Variants in NME7 observed in about 807,000 individuals in gnomAD.
The protein encoded by NME7 is nucleoside diphosphate kinase 7.
In NME7, 41 loss-of-function variants were observed where a neutral mutation model predicts 49.1. That is an observed-to-expected ratio of 0.83 (90% CI 0.65 to 1.08). NME7 has a LOEUF of 1.08. Among genes scored for constraint, NME7 ranks in the 50% least tolerant of loss-of-function variants. NME7 has a pLI of 0.00. For synonymous variants in NME7, 139 were observed against 150.6 expected, an observed-to-expected ratio of 0.92 and a Z score of 0.56; for missense variants, 423 against 463.4, an observed-to-expected ratio of 0.91 and a Z score of 0.80.
chr1:169,351,557 G>A (rs1386054955), intron 1 of NME7, among the ~76,000 whole-genome samples: 1 of 150,694 alleles, frequency 6.6e-6, no homozygotes, highest in Non-Finnish European at 1.5e-5. Flanking sequence ...ACCAAAATTA[G>A]AGGAAAAGAA....
Position 169,154,562 on chromosome 1 carries a change from C to A in NME7, c.1098+14885G>T, listed in dbSNP as rs563117208. 1.4e-3 allele frequency among the ~76,000 whole-genome samples: 220 copies of A among 152,234 alleles called. 2 individuals are homozygous for A. The highest frequency in any genetic ancestry group is 5.0e-3 in the African/African-American group (207 of 41,546). The stretch of plus-strand genomic sequence containing the variant: ...GTGGCTCACACCTGTAATCCCAGCA[C>A]TTTGGGAGGCCAAGGTGAGCAGATC... On this transcript the variant is annotated intron_variant, in intron 11 of 11. Coordinates refer to ENST00000367811, the MANE Select transcript of NME7 (RefSeq NM_013330.5).
intron 10 of NME7, among the ~76,000 whole-genome samples, chr1:169,212,136 C>G (rs528663509): frequency 6.6e-6 from 1 of 151,948 alleles, no homozygotes; most frequent in East Asian, 1.9e-4. Flanking sequence ...TTGTATTAAA[C>G]CCCTTTCAGC....
intron 1 of NME7, among the ~76,000 whole-genome samples, chr1:169,359,040 G>C (rs892810854): frequency 6.6e-6 from 1 of 152,040 alleles, no homozygotes; most frequent in Admixed American, 6.6e-5. Flanking sequence ...AGAATAAAAC[G>C]TAGAGCTGTC....
rs181018110 is a variant in NME7 at position 169,235,406 on chromosome 1, G to A, written c.820-207C>T. 2.3e-3 allele frequency among the ~76,000 whole-genome samples: 354 copies of A among 151,988 alleles called. 2 individuals carry two copies. Among genetic ancestry groups the A allele is most frequent in the Non-Finnish European group, 2.1e-3 (142 of 67,910 alleles). The stretch of plus-strand genomic sequence containing the variant: ...AACAGCATCACTCTAGGTTCTATAC[G>A]TGCATCATCTCATTTAGCCCTCACA... On this transcript the variant is annotated intron_variant, in intron 8 of 11. Transcript: ENST00000367811.
At chr1:169,246,208 A>C (rs1411161040) in intron 7 of NME7, among the ~76,000 whole-genome samples, 1 of 152,222 alleles carries the variant, frequency 6.6e-6, no homozygotes, top group Non-Finnish European at 1.5e-5. Context: ...CAGGAGGCTA[A>C]GGTGGGAGGA....
At chr1:169,280,496 A>G (rs994254926) in intron 7 of NME7, among the ~76,000 whole-genome samples, 1 of 148,872 alleles carries the variant, frequency 6.7e-6, no homozygotes. Flanking sequence ...TTTTGTTGCC[A>G]TTGCTTTTGG....
At chr1:169,359,044 A>G (rs1238134649) in intron 1 of NME7, among the ~76,000 whole-genome samples, 1 of 152,128 alleles carries the variant, frequency 6.6e-6, no homozygotes, top group Non-Finnish European at 1.5e-5. Flanking sequence ...TAAAACGTAG[A>G]GCTGTCCCTC....
At chr1:169,347,884 C>T (rs1312090183) in intron 1 of NME7, among the ~76,000 whole-genome samples, 1 of 152,104 alleles carries the variant, frequency 6.6e-6, no homozygotes, top group Admixed American at 6.5e-5. Flanking sequence ...TAGCTCTATG[C>T]AAAATATGCA....
intron 7 of NME7, among the ~76,000 whole-genome samples, chr1:169,254,987 T>C (rs1224248570): frequency 1.5e-5 from 2 of 134,822 alleles, no homozygotes; most frequent in Non-Finnish European, 3.4e-5. Flanking sequence ...CTTCCAACTA[T>C]GCGGTCAATT....
chr1:169,256,006 T>G (rs1648914096), intron 7 of NME7, among the ~76,000 whole-genome samples: 2 of 133,220 alleles, frequency 1.5e-5, no homozygotes, highest in South Asian at 4.7e-4. Context: ...ATTTTTACCT[T>G]CATTTCAACT....
At chr1:169,281,632 T>C (rs936407324) in intron 7 of NME7, among the ~76,000 whole-genome samples, 4 of 152,228 alleles carry the variant, frequency 2.6e-5, no homozygotes, top group Non-Finnish European at 5.9e-5. Flanking sequence ...GTTCCATCAA[T>C]ACCTAGTTTA....
At chr1:169,312,326 G>A (rs1319421606) in intron 3 of NME7, among the ~76,000 whole-genome samples, 1 of 152,100 alleles carries the variant, frequency 6.6e-6, no homozygotes, top group Non-Finnish European at 1.5e-5. Context: ...CATTTTTGCT[G>A]ACATATCTTT....
intron 4 of NME7, among the ~76,000 whole-genome samples, chr1:169,305,479 T>A (rs1458770264): frequency 2.0e-5 from 3 of 152,210 alleles, no homozygotes; most frequent in Admixed American, 2.0e-4. Context: ...AAAAGATGCA[T>A]ACATTGTGAG....
chr1:169,231,510 AG>A (rs1241827504), intron 9 of NME7, among the ~76,000 whole-genome samples: 1 of 152,122 alleles, frequency 6.6e-6, no homozygotes, highest in East Asian at 1.9e-4. Flanking sequence ...AATACTGGAG[AG>A]ATGAGGGGAG....
chr1:169,250,378 G>A lies in NME7; in HGVS notation c.755-12691C>T, dbSNP rs1648511888. On this transcript the variant is annotated intron_variant, in intron 7 of 11. Transcript: ENST00000367811. ...ACCTCTCCTGGTTAATCTAGCTAAT[G>A]GTCTATCAACTTTGTTTATCTTTTT... Among the ~76,000 whole-genome samples the A allele has an allele frequency of 3.9e-5, 6 of 151,900 alleles. No individual in the cohort carries two copies. The South Asian group carries it at 1.0e-3, about 26-fold the overall frequency.
At chr1:169,172,323 CGT>C (rs200830717) in intron 10 of NME7, among the ~76,000 whole-genome samples, 3,357 of 127,474 alleles carry the variant, frequency 0.026, 36 homozygotes, top group South Asian at 0.059. Flanking sequence ...CAAAAACATA[CGT>C]GTGTGTGTGT....
At chr1:169,322,814 T>C (rs532832755) in intron 3 of NME7, among the ~76,000 whole-genome samples, 15 of 152,160 alleles carry the variant, frequency 9.9e-5, no homozygotes, top group Admixed American at 9.2e-4. Context: ...AAGGAAAGAA[T>C]AGATCATAGA....
At chr1:169,361,734 C>T (rs1218469273) in intron 1 of NME7, among the ~76,000 whole-genome samples, 1 of 150,888 alleles carries the variant, frequency 6.6e-6, no homozygotes, top group African/African-American at 2.4e-5. Context: ...GAGTGGAAAT[C>T]GCGCCACTGC....
chr1:169,147,183 G>T (rs1040508307), intron 11 of NME7, among the ~76,000 whole-genome samples: 1 of 152,146 alleles, frequency 6.6e-6, no homozygotes, highest in Non-Finnish European at 1.5e-5. Flanking sequence ...GGACAAGTTT[G>T]TGAATAAAAA....
Sources: gnomAD v4.1 joint callset for allele counts (sites outside exome capture counted in the v4.1 genomes callset) on GRCh38, gnomAD v4.1.1 for gene constraint, MANE v1.5 for transcripts, NCBI Gene and HGNC (gene_info 2026-07-23, HGNC 2026-07-21) for gene names.